Variants in MTUS2 observed in about 807,000 individuals in gnomAD.
The protein encoded by MTUS2 is microtubule associated scaffold protein 2.
A neutral mutation model predicts 114.1 loss-of-function variants in MTUS2; 40 were observed. The observed-to-expected ratio is 0.35, with a 90% CI of 0.27 to 0.46. The LOEUF is 0.46. MTUS2 is among the 20% of genes least tolerant of loss of function. The pLI is 1.00. For missense variants in MTUS2, 1,679 were observed against 1,705.4 expected (o/e 0.98, Z 0.27); for synonymous variants, 688 against 672.0 (o/e 1.02, Z -0.37).
chr13:28,896,542 A>G (rs1375623225), intron 2 of MTUS2, among the ~76,000 whole-genome samples: 2 of 152,222 alleles, frequency 1.3e-5, no homozygotes, highest in African/African-American at 4.8e-5. Context: ...ACAGAATTGG[A>G]AAAAACTACT....
intron 5 of MTUS2, among the ~76,000 whole-genome samples, chr13:29,219,610 A>G (rs1895826178): frequency 6.6e-6 from 1 of 152,216 alleles, no homozygotes; most frequent in Non-Finnish European, 1.5e-5. Flanking sequence ...CTCTCTAGTT[A>G]GGAAGGTCCT....
intron 8 of MTUS2, among the ~76,000 whole-genome samples, chr13:29,365,015 G>A (rs764564292): frequency 2.0e-5 from 3 of 152,222 alleles, no homozygotes; most frequent in Non-Finnish European, 4.4e-5. Context: ...TAGTGAAGTG[G>A]TAAATTCAAG....
intron 5 of MTUS2, among the ~76,000 whole-genome samples, chr13:29,243,788 A>G (rs967471417): frequency 1.4e-4 from 21 of 152,208 alleles, no homozygotes; most frequent in Non-Finnish European, 4.4e-5. Flanking sequence ...TGAAGAACAG[A>G]AACTCATTCA....
chr13:29,198,650 T>C (rs1028459268), intron 5 of MTUS2, among the ~76,000 whole-genome samples: 2 of 152,228 alleles, frequency 1.3e-5, no homozygotes, highest in African/African-American at 4.8e-5. Context: ...ATCTATAAAT[T>C]ACTTTGGAAA....
intron 8 of MTUS2, among the ~76,000 whole-genome samples, chr13:29,375,283 G>GGTATAAT (rs60167763): frequency 3.1e-5 from 4 of 129,956 alleles, no homozygotes; most frequent in East Asian, 4.4e-4. Context: ...ATTTAAAAAG[G>GGTATAAT]AGTTTTTAAT....
intron 9 of MTUS2, among the ~76,000 whole-genome samples, chr13:29,441,875 A>AC (rs1182725162): frequency 1.3e-5 from 2 of 152,114 alleles, no homozygotes; most frequent in Non-Finnish European, 2.9e-5. Flanking sequence ...ACTGATGGAA[A>AC]CTACCTTATC....
intron 8 of MTUS2, among the ~76,000 whole-genome samples, chr13:29,411,502 A>T (rs1324007260): frequency 6.6e-6 from 1 of 152,162 alleles, no homozygotes; most frequent in Non-Finnish European, 1.5e-5. Flanking sequence ...TGTCTGATAG[A>T]TCTAGACCCT....
intron 1 of MTUS2, among the ~76,000 whole-genome samples, chr13:28,831,287 A>G (rs1390243567): frequency 1.3e-5 from 2 of 152,194 alleles, no homozygotes; most frequent in Non-Finnish European, 2.9e-5. Flanking sequence ...AAATCCTGCC[A>G]TTTTTAGTTT....
intron 5 of MTUS2, among the ~76,000 whole-genome samples, chr13:29,244,563 A>C (rs1396780079): frequency 6.6e-6 from 1 of 152,120 alleles, no homozygotes; most frequent in East Asian, 1.9e-4. Context: ...GCAGGATGGG[A>C]GCTCATGGTT....
At chr13:29,091,347 C>G (rs1343272435) in intron 4 of MTUS2, among the ~76,000 whole-genome samples, 1 of 152,054 alleles carries the variant, frequency 6.6e-6, no homozygotes, top group African/African-American at 2.4e-5. Context: ...ACAAGGGTGC[C>G]ATGGGTGTTT....
At chr13:28,946,686 C>A (rs1416634069) in intron 2 of MTUS2, among the ~76,000 whole-genome samples, 1 of 152,112 alleles carries the variant, frequency 6.6e-6, no homozygotes, top group Non-Finnish European at 1.5e-5. Context: ...CTTAGATGGA[C>A]TGGCATTCAC....
At chr13:28,906,108 T>C (rs191163520) in intron 2 of MTUS2, among the ~76,000 whole-genome samples, 1 of 151,730 alleles carries the variant, frequency 6.6e-6, no homozygotes, top group African/African-American at 2.4e-5. Context: ...ATATCCCCTT[T>C]ATTATTTTTT....
intron 6 of MTUS2, chr13:29,307,131 G>A: frequency 4.2e-6 from 2 of 479,608 alleles, no homozygotes; most frequent in Admixed American, 5.1e-5. Flanking sequence ...GAGCCAAAAG[G>A]GTCATCCTTT....
chr13:29,160,266 AC>A (rs1418394917), intron 5 of MTUS2, among the ~76,000 whole-genome samples: 1 of 152,214 alleles, frequency 6.6e-6, no homozygotes, highest in Non-Finnish European at 1.5e-5. Flanking sequence ...CCCTGAGACT[AC>A]AATACCAACT....
At position 29,324,252 on chromosome 13, in the gene MTUS2, T is replaced by C. The variant is rs374858902; in HGVS notation, c.2807-361T>C. Among the ~76,000 whole-genome samples the C allele has an allele frequency of 5.7e-4, 87 of 152,354 alleles. 1 individual carries two copies. The highest frequency in any genetic ancestry group is 2.0e-3 in the African/African-American group (84 of 41,590). Reference sequence around the variant, plus strand: ...TTCCCTGTCTTCTGAAAATTTGTTATGGCAGAGAGAGGCAGGCAGACTAAA... The same window carrying C: ...TTCCCTGTCTTCTGAAAATTTGTTACGGCAGAGAGAGGCAGGCAGACTAAA... On this transcript the variant is annotated intron_variant, in intron 6 of 15. Transcript: ENST00000612955.
At chr13:29,174,095 A>G (rs5010846) in intron 5 of MTUS2, among the ~76,000 whole-genome samples, 89,519 of 151,934 alleles carry the variant, frequency 0.59, 26,601 homozygotes, top group African/African-American at 0.64. Context: ...CTATAAGTTA[A>G]CAGTTGTTCC....
chr13:28,907,663 T>C (rs895025817), intron 2 of MTUS2, among the ~76,000 whole-genome samples: 2 of 151,504 alleles, frequency 1.3e-5, no homozygotes, highest in Non-Finnish European at 2.9e-5. Flanking sequence ...AGAAGGCCAT[T>C]ACATAATGGT....
intron 8 of MTUS2, among the ~76,000 whole-genome samples, chr13:29,407,071 C>G (rs1170541983): frequency 1.3e-5 from 2 of 152,138 alleles, no homozygotes; most frequent in Non-Finnish European, 1.5e-5. Context: ...ATGGTGAAAC[C>G]CTGTGTCTAC....
chr13:29,372,509 A>G (rs553721465), intron 8 of MTUS2, among the ~76,000 whole-genome samples: 1 of 8,646 alleles, frequency 1.2e-4, no homozygotes, highest in East Asian at 0.25. Flanking sequence ...CAGAAGATCA[A>G]CACTCTACCT....
Sources: gnomAD v4.1 joint callset for allele counts (sites outside exome capture counted in the v4.1 genomes callset) on GRCh38, gnomAD v4.1.1 for gene constraint, MANE v1.5 for transcripts, NCBI Gene and HGNC (gene_info 2026-07-23, HGNC 2026-07-21) for gene names.